The following HDGFL2 variants were observed in gnomAD, a reference collection of about 807,000 sequenced individuals.
HDGFL2 encodes the protein HDGF like 2.
In HDGFL2, 36 loss-of-function variants were observed where a neutral mutation model predicts 77.1. The observed-to-expected ratio is 0.47, with a 90% CI of 0.36 to 0.62. The LOEUF is 0.62. HDGFL2 is among the 20% of genes least tolerant of loss of function. The pLI is 0.00. For synonymous variants in HDGFL2, 463 were observed against 413.1 expected (o/e 1.12, Z -1.46); for missense variants, 976 against 973.4 (o/e 1.00, Z -0.04).
At chr19:4,492,706 CTGTGTGT>C (rs1975551928) in intron 6 of HDGFL2, among the ~76,000 whole-genome samples, 2 of 131,172 alleles carry the variant, frequency 1.5e-5, no homozygotes, top group South Asian at 2.5e-4. Flanking sequence ...TATGTGTTGT[CTGTGTGT>C]GGTGTGTGGT....
intron 4 of HDGFL2, among the ~76,000 whole-genome samples, chr19:4,489,946 C>T (rs779737249): frequency 6.6e-6 from 1 of 152,210 alleles, no homozygotes; most frequent in Non-Finnish European, 1.5e-5. Flanking sequence ...CATCCCCTTC[C>T]TGCCTCTGTG....
chr19:4,474,563 G>A (rs985541097), intron 1 of HDGFL2, among the ~76,000 whole-genome samples: 12 of 152,046 alleles, frequency 7.9e-5, no homozygotes, highest in Non-Finnish European at 1.3e-4. Context: ...ATTGGGAGGG[G>A]AGAAGCCACT....
chr19:4,481,815 G>A (rs1975225925), intron 3 of HDGFL2, among the ~76,000 whole-genome samples: 2 of 152,044 alleles, frequency 1.3e-5, no homozygotes, highest in Admixed American at 1.3e-4. Context: ...GCGGGCTCCT[G>A]GGAGAGTCCG....
chr19:4,494,491 G>A lies in HDGFL2; in HGVS notation c.1224+16G>A, dbSNP rs1975649175. 2.9e-6 allele frequency: 4 copies of A among 1,368,044 alleles called. No individual in the cohort carries two copies. The highest frequency in any genetic ancestry group is 2.8e-6 in the Non-Finnish European group (3 of 1,064,282). The allele number at this position is 1,368,044 out of a possible 1,614,324, so 84.7% of individuals were successfully genotyped here. On this transcript the variant is annotated intron_variant, in intron 9 of 15. Coordinates refer to ENST00000616600, the MANE Select transcript of HDGFL2 (RefSeq NM_001001520.3). ...GGAGAGAGAGGTGAGCCGGGAGGGC[G>A]CCGGGAGTCCCTGCCTTCACTCCAC...
intron 10 of HDGFL2, 196 bp from the exon 11 acceptor site, chr19:4,497,762 C>T (rs1207095486): frequency 1.7e-5 from 10 of 582,220 alleles, no homozygotes; most frequent in South Asian, 6.3e-5. Flanking sequence ...TTGGGCAGCT[C>T]GAGCCTGTGG....
At chr19:4,493,218 G>A (rs1461687873) in intron 6 of HDGFL2, among the ~76,000 whole-genome samples, 1 of 139,056 alleles carries the variant, frequency 7.2e-6, no homozygotes, top group East Asian at 2.0e-4. Context: ...GGTGTGTGTG[G>A]TGTGGTGTGT....
chr19:4,478,668 G>A (rs1196891981), intron 3 of HDGFL2, among the ~76,000 whole-genome samples: 1 of 151,402 alleles, frequency 6.6e-6, no homozygotes, highest in Non-Finnish European at 1.5e-5. Flanking sequence ...GAGTGGCCCA[G>A]GTGGGTAGTT....
chr19:4,480,673 T>C (rs1975190008), intron 3 of HDGFL2, among the ~76,000 whole-genome samples: 2 of 151,768 alleles, frequency 1.3e-5, no homozygotes, highest in African/African-American at 2.4e-5. Context: ...GGGCTGAGAT[T>C]GTGCCATTGT....
chr19:4,493,879 C>A lies in HDGFL2; in HGVS notation c.838+17C>A. On this transcript the variant is annotated intron_variant, in intron 7 of 15. Transcript: ENST00000616600. Reference sequence around the variant, plus strand: ...GGAAGCCAGGTAGGGCCCTCGTGCTCGCACATCTCTTGGCCTGGCCCCTGC... The same window carrying A: ...GGAAGCCAGGTAGGGCCCTCGTGCTAGCACATCTCTTGGCCTGGCCCCTGC... 6.6e-7 allele frequency: 1 copy of A among 1,505,478 alleles called. No homozygotes were observed. Among genetic ancestry groups the A allele is most frequent in the African/African-American group, 1.4e-5 (1 of 71,726 alleles). The allele number at this position is 1,505,478 out of a possible 1,614,324, so 93.3% of individuals were successfully genotyped here. A position where few individuals can be genotyped will look rare whatever the true frequency, so the allele number is the denominator to read the frequency against.
intron 14 of HDGFL2, 78 bp downstream of exon 14, chr19:4,499,782 AG>A: frequency 8.7e-7 from 1 of 1,145,174 alleles, no homozygotes; most frequent in Non-Finnish European, 1.2e-6. Flanking sequence ...ACATTCCAGA[AG>A]GGGAGTACAG....
chr19:4,502,114 T>A lies in HDGFL2; in HGVS notation c.*104T>A. On this transcript the variant is annotated 3_prime_UTR_variant, in exon 16 of 16. Transcript: ENST00000616600. ...GAGAACTGTGGGGAACGCTGTGCTGTTTGTATTTGTTCCCTTGGGTTTTTT... is the reference window on the plus strand; with the variant it reads ...GAGAACTGTGGGGAACGCTGTGCTGATTGTATTTGTTCCCTTGGGTTTTTT... 1 of 832,212 alleles carries A rather than the reference T, an allele frequency of 1.2e-6. No homozygotes were observed. Among genetic ancestry groups the A allele is most frequent in the East Asian group, 2.7e-5 (1 of 37,676 alleles). The allele number at this position is 832,212 out of a possible 1,614,324, so 51.6% of individuals were successfully genotyped here. A position where few individuals can be genotyped will look rare whatever the true frequency, so the allele number is the denominator to read the frequency against.
intron 9 of HDGFL2, among the ~76,000 whole-genome samples, 155 bp downstream of exon 9, chr19:4,494,630 A>AGG (rs1975653606): frequency 6.6e-6 from 1 of 152,078 alleles, no homozygotes; most frequent in African/African-American, 2.4e-5. Context: ...CATTCATGGG[A>AGG]GGGAGGGGGC....
chr19:4,479,967 C>T (rs1975173079), intron 3 of HDGFL2, among the ~76,000 whole-genome samples: 1 of 151,656 alleles, frequency 6.6e-6, no homozygotes, highest in Non-Finnish European at 1.5e-5. Flanking sequence ...TGTCTGAAGC[C>T]TTGTAGACCC....
intron 10 of HDGFL2, 97 bp downstream of exon 10, chr19:4,496,502 C>T: frequency 1.1e-6 from 1 of 928,804 alleles, no homozygotes; most frequent in Admixed American, 2.1e-5. Flanking sequence ...CCTCTGAGTT[C>T]AGCCTTGGAG....
At chr19:4,489,856 G>C (rs1038019076) in intron 4 of HDGFL2, among the ~76,000 whole-genome samples, 1 of 152,158 alleles carries the variant, frequency 6.6e-6, no homozygotes, top group Non-Finnish European at 1.5e-5. Context: ...TATTCCAGGA[G>C]ATTTCCGTCA....
At chr19:4,477,100 T>C (rs1044174478) in intron 3 of HDGFL2, among the ~76,000 whole-genome samples, 8 of 152,138 alleles carry the variant, frequency 5.3e-5, no homozygotes, top group Non-Finnish European at 1.2e-4. Context: ...CTGGTCCTGT[T>C]TGAGAACCTG....
intron 3 of HDGFL2, among the ~76,000 whole-genome samples, chr19:4,476,107 G>T (rs1381981515): frequency 6.7e-6 from 1 of 149,520 alleles, no homozygotes; most frequent in Non-Finnish European, 1.5e-5. Flanking sequence ...AGCCAGGATG[G>T]TCTCAATCTC....
At chr19:4,501,022 C>T (rs993774044) in intron 14 of HDGFL2, among the ~76,000 whole-genome samples, 169 bp from the exon 15 acceptor site, 25 of 152,222 alleles carry the variant, frequency 1.6e-4, no homozygotes, top group South Asian at 4.1e-4. Context: ...GCTGCAGCAT[C>T]CCATGTCAGG....
intron 10 of HDGFL2, 85 bp downstream of exon 10, chr19:4,496,490 C>A: frequency 9.7e-7 from 1 of 1,025,820 alleles, no homozygotes; most frequent in Non-Finnish European, 1.5e-6. Flanking sequence ...GGGGCAGCCC[C>A]ACCTCTGAGT....
Sources: allele counts gnomAD v4.1 joint callset (sites outside exome capture counted in the v4.1 genomes callset), GRCh38; gene constraint gnomAD v4.1.1; transcripts MANE v1.5; gene names NCBI Gene and HGNC (gene_info 2026-07-23, HGNC 2026-07-21).